GRTP1: variants seen among roughly 807,000 people sequenced by gnomAD.
GRTP1 encodes the protein growth hormone-regulated TBC protein 1.
A neutral mutation model predicts 38.1 loss-of-function variants in GRTP1; 56 were observed. The ratio of observed to expected loss-of-function variants is 1.47; its 90% CI spans 1.19 to 1.84. GRTP1 has a LOEUF of 1.84. Ranked by LOEUF, GRTP1 falls within the 40% of genes most tolerant of loss-of-function variation. The pLI, the probability that GRTP1 is intolerant of heterozygous loss-of-function variation, is 0.00. For synonymous variants in GRTP1, 217 were observed against 189.5 expected (o/e 1.14, Z -1.19); for missense variants, 506 against 453.9 (o/e 1.11, Z -1.04).
At chr13:113,360,739 GGATCAAAGA>G (rs1293226800) in intron 2 of GRTP1, among the ~76,000 whole-genome samples, 1 of 152,180 alleles carries the variant, frequency 6.6e-6, no homozygotes, top group Non-Finnish European at 1.5e-5. Context: ...GGCTCATATA[GGATCAAAGA>G]GATATATTTG....
intron 5 of GRTP1, among the ~76,000 whole-genome samples, chr13:113,341,037 A>G (rs1172787300): frequency 2.0e-5 from 3 of 149,730 alleles, no homozygotes; most frequent in Middle Eastern, 7.0e-3. Context: ...TTTCTACTAT[A>G]TCTTATCCTT....
In GRTP1 at chr13:113,324,218, T is replaced by A. The variant is rs2042726273; in HGVS notation, c.*270A>T. 1 of 399,050 alleles carries A rather than the reference T, an allele frequency of 2.5e-6. No homozygotes were observed. The highest frequency in any genetic ancestry group is 2.3e-5 in the African/African-American group (1 of 44,434). The allele number at this position is 399,050 out of a possible 1,614,324, so 24.7% of individuals were successfully genotyped here. A position where few individuals can be genotyped will look rare whatever the true frequency, so the allele number is the denominator to read the frequency against. ...CAAACACAGGTGTTGGCATACTTTATTAGATACAAACCCACACTCACATTT... is the reference window on the plus strand; with the variant it reads ...CAAACACAGGTGTTGGCATACTTTAATAGATACAAACCCACACTCACATTT... On this transcript the variant is annotated 3_prime_UTR_variant, in exon 8 of 8. Coordinates refer to ENST00000375431, the MANE Select transcript of GRTP1 (RefSeq NM_024719.4).
chr13:113,349,324 G>A lies in GRTP1; in HGVS notation c.465+1525C>T, dbSNP rs2043220767. ...TCACCTCAGCCCCTCGAGCAGCCGG[G>A]ACCACAGGCGTGTGCCACCACACCC... On this transcript the variant is annotated intron_variant, in intron 4 of 7. Transcript: ENST00000375431. This position sits in a 1 kb window ranked among gnomAD's most constrained non-coding sequence, Gnocchi z 5.0. Among the ~76,000 whole-genome samples, 1 of 151,830 alleles carries A rather than the reference G, an allele frequency of 6.6e-6. No homozygotes were observed. Among genetic ancestry groups the A allele is most frequent in the South Asian group, 2.1e-4 (1 of 4,796 alleles).
intron 5 of GRTP1, among the ~76,000 whole-genome samples, chr13:113,341,919 G>A (rs2043031391): frequency 6.6e-6 from 1 of 152,068 alleles, no homozygotes; most frequent in African/African-American, 2.4e-5. Flanking sequence ...CCTCCCAGAT[G>A]CTGGGATTAT....
intron 5 of GRTP1, among the ~76,000 whole-genome samples, chr13:113,328,964 A>C (rs531608194): frequency 4.0e-5 from 6 of 149,896 alleles, no homozygotes; most frequent in Admixed American, 1.3e-4. Context: ...CCTGTGGACT[A>C]AATTCTCCTG....
Position 113,350,428 on chromosome 13 carries a change from TCCCACAGCGCACGCAC to T in GRTP1, c.465+405_465+420del, listed in dbSNP as rs372392510. 9.1e-4 allele frequency among the ~76,000 whole-genome samples: 112 copies of T among 122,598 alleles called. 1 individual carries two copies. The highest frequency in any genetic ancestry group is 3.2e-3 in the African/African-American group (101 of 31,240). 80.4% of individuals were successfully genotyped at this position (122,598 alleles called of 152,430 possible). On this transcript the variant is annotated intron_variant, in intron 4 of 7. Coordinates refer to ENST00000375431, the MANE Select transcript of GRTP1 (RefSeq NM_024719.4). The stretch of plus-strand genomic sequence containing the variant: ...GCACATGCACCCCATAGCACACACA[TCCCACAGCGCACGCAC>T]CCCACAGCGCACGCACCCACAGCAC...
intron 5 of GRTP1, among the ~76,000 whole-genome samples, chr13:113,332,659 C>A (rs2042894254): frequency 6.6e-6 from 1 of 152,230 alleles, no homozygotes; most frequent in South Asian, 2.1e-4. Context: ...CCCGAGGAAT[C>A]CACCCAAGAA....
At position 113,326,055 on chromosome 13, in the gene GRTP1, T is replaced by C. The variant is rs2042762690; in HGVS notation, c.599A>G (p.Asp200Gly). ...YSPAMLGLKT[D>G]QEVLGELVRA... ...CACCAGCTCCCCGAGGACCTCCTGG[T>C]CGGTCTTCAGGCCCAGCATGGCCGG... Residue 200 changes from aspartate (D) to glycine (G), a missense_variant, in exon 6 of 8, where the codon GAC becomes GGC. Asp to Gly is a moderately conservative substitution (Grantham distance 94). Transcript: ENST00000375431. 1.9e-6 allele frequency: 3 copies of C among 1,611,528 alleles called. No homozygotes were observed. The South Asian group carries it at 3.3e-5, about 18-fold the overall frequency.
Position 113,346,285 on chromosome 13 carries a change from AGCGGATCTGGG to A in GRTP1, c.466-1337_466-1327del, listed in dbSNP as rs1566429838. Among the ~76,000 whole-genome samples, 42 of 77,834 alleles carry A rather than the reference AGCGGATCTGGG, an allele frequency of 5.4e-4. 1 individual carries two copies. The highest frequency in any genetic ancestry group is 8.1e-4 in the Non-Finnish European group (33 of 40,964). The allele number at this position is 77,834 out of a possible 152,430, so 51.1% of individuals were successfully genotyped here. The stretch of plus-strand genomic sequence containing the variant: ...AGATCCGGGAGGACCTCTGTGGCTG[AGCGGATCTGGG>A]AGGACCTCTGTGGCAGAGAGCAGAC... On this transcript the variant is annotated intron_variant, in intron 4 of 7. Coordinates refer to ENST00000375431, the MANE Select transcript of GRTP1 (RefSeq NM_024719.4).
Position 113,349,265 on chromosome 13 carries a change from T to C in GRTP1, c.465+1584A>G, listed in dbSNP as rs2043219862. 6.6e-6 allele frequency among the ~76,000 whole-genome samples: 1 copy of C among 152,004 alleles called. No individual in the cohort carries two copies. The highest frequency in any genetic ancestry group is 2.1e-4 in the South Asian group (1 of 4,814). ...GTGTAGTGGTGCCAACATGGCTCAC[T>C]GCAGGCTTGACCTCCCAGACCCAAA... On this transcript the variant is annotated intron_variant, in intron 4 of 7. Transcript: ENST00000375431. This position sits in a 1 kb window ranked among gnomAD's most constrained non-coding sequence, Gnocchi z 5.0.
intron 5 of GRTP1, among the ~76,000 whole-genome samples, chr13:113,327,191 T>G (rs2042787153): frequency 6.6e-6 from 1 of 152,266 alleles, no homozygotes; most frequent in African/African-American, 2.4e-5. Flanking sequence ...GTACATTTTT[T>G]TTTGAGACGG....
At position 113,325,949 on chromosome 13, in the gene GRTP1, G is replaced by A. The variant is rs1447671146; in HGVS notation, c.705C>T (p.Ile235=). The A allele has an allele frequency of 6.2e-7, 1 of 1,613,974 alleles. No homozygotes were observed. Among genetic ancestry groups the A allele is most frequent in the Admixed American group, 1.7e-5 (1 of 60,012 alleles). ...CGGGCAAGATGTCCACAAACAGGCA[G>A]ATGAACCAGCGGGACACCAGCAGCG... is the stretch of plus-strand genomic sequence containing the variant. ...LWTLLVSRWF[I]CLFVDILPVE... The change falls in exon 6 of 8, where the codon ATC becomes ATT. Residue 235 remains isoleucine (I), a synonymous_variant. Coordinates refer to ENST00000375431, the MANE Select transcript of GRTP1 (RefSeq NM_024719.4).
rs778654701 is a variant in GRTP1, at chr13:113,355,344, G to T, written c.319C>A (p.Leu107Met). 1 of 1,614,112 alleles carries T rather than the reference G, an allele frequency of 6.2e-7. No individual in the cohort carries two copies. The highest frequency in any genetic ancestry group is 1.7e-5 in the Admixed American group (1 of 60,030). ...QLLQGERNPR[L>M]EDAIRTDLNR... ...TCACCTGTCCTGATGGCGTCCTCCA[G>T]CCTGGGGTTTCTCTCTCCCTGGAGA... Residue 107 changes from leucine (L) to methionine (M), a missense_variant, in exon 3 of 8, where the codon CTG becomes ATG. Transcript: ENST00000375431.
At chr13:113,357,693 C>T (rs9549748) in intron 2 of GRTP1, among the ~76,000 whole-genome samples, 12,644 of 152,194 alleles carry the variant, frequency 0.083, 596 homozygotes, top group Middle Eastern at 0.14. Context: ...TCTCATGACC[C>T]TCAGAGGGCA....
At chr13:113,352,311 ATTT>A (rs1555318992) in intron 3 of GRTP1, among the ~76,000 whole-genome samples, 1 of 32,222 alleles carries the variant, frequency 3.1e-5, no homozygotes, top group Non-Finnish European at 6.4e-5. Context: ...TTTTATATAT[ATTT>A]TATATATATT....
chr13:113,345,362 T>C (rs917430305), intron 4 of GRTP1, among the ~76,000 whole-genome samples: 5 of 152,238 alleles, frequency 3.3e-5, no homozygotes, highest in African/African-American at 1.2e-4. Flanking sequence ...GTAAGGAACA[T>C]GTGCTGACAC....
At chr13:113,363,505 T>A (rs918693065) in intron 2 of GRTP1, among the ~76,000 whole-genome samples, 4 of 152,172 alleles carry the variant, frequency 2.6e-5, no homozygotes, top group South Asian at 4.1e-4. Flanking sequence ...GCGCCCGGCA[T>A]GGATCGAGTT....
At position 113,348,510 on chromosome 13, in the gene GRTP1, TGTTGAA is replaced by T. The variant is rs1415528204; in HGVS notation, c.465+2333_465+2338del. ...TGTGTTGCCCGCCCCAAAATTCATC[TGTTGAA>T]GTCCTAACCCCTAGTACCTCAGATT... On this transcript the variant is annotated intron_variant, in intron 4 of 7. Coordinates refer to ENST00000375431, the MANE Select transcript of GRTP1 (RefSeq NM_024719.4). The surrounding 1 kb of genome is among the most constrained non-coding windows in gnomAD (Gnocchi z 4.8). Among the ~76,000 whole-genome samples, 1 of 152,124 alleles carries T rather than the reference TGTTGAA, an allele frequency of 6.6e-6. No homozygotes were observed. The highest frequency in any genetic ancestry group is 1.5e-5 in the Non-Finnish European group (1 of 68,016).
chr13:113,339,244 C>T (rs1240998109), intron 5 of GRTP1, among the ~76,000 whole-genome samples: 2 of 152,184 alleles, frequency 1.3e-5, no homozygotes, highest in Non-Finnish European at 2.9e-5. Flanking sequence ...AATTCACACA[C>T]AGTCCAGACA....
Sources: allele counts gnomAD v4.1 joint callset (sites outside exome capture counted in the v4.1 genomes callset), GRCh38; gene constraint gnomAD v4.1.1; non-coding constraint Gnocchi (gnomAD v3.1); transcripts MANE v1.5; gene names NCBI Gene and HGNC (gene_info 2026-07-23, HGNC 2026-07-21).